The following PPOX variants were observed in gnomAD, a reference collection of about 807,000 sequenced individuals.
The protein encoded by PPOX is protoporphyrinogen oxidase.
Under a neutral mutation model 54.1 loss-of-function variants are expected in PPOX, and 23 were observed. The observed-to-expected ratio is 0.43, with a 90% CI of 0.31 to 0.60. The LOEUF (loss-of-function observed/expected upper bound fraction) is 0.60, where lower values mean the gene tolerates loss of function less well. PPOX is among the 20% of genes least tolerant of loss of function. PPOX has a pLI of 0.13. For missense variants in PPOX, 512 were observed against 601.1 expected (o/e 0.85, Z 1.55); for synonymous variants, 224 against 236.1 (o/e 0.95, Z 0.47).
chr1:161,170,126 A>C, intron 9 of PPOX, 102 bp downstream of exon 9: 1 of 1,395,076 alleles, frequency 7.2e-7, no homozygotes, highest in Non-Finnish European at 9.8e-7. Flanking sequence ...GGAGTTCGAG[A>C]CCAGCCTGGC....
chr1:161,169,454 TG>T, intron 7 of PPOX: 1 of 704,542 alleles, frequency 1.4e-6, no homozygotes, highest in Non-Finnish European at 2.5e-6. Context: ...ACAGCCACAC[TG>T]GCCTGTCTGG....
intron 2 of PPOX, 41 bp downstream of exon 2, chr1:161,166,975 C>G (rs1172057896): frequency 2.5e-6 from 4 of 1,611,356 alleles, no homozygotes; most frequent in Non-Finnish European, 8.5e-7. Flanking sequence ...TCATTTAATG[C>G]TCTTCCCATT....
downstream of PPOX, chr1:161,175,822 C>G (rs528969895): frequency 4.3e-6 from 7 of 1,613,858 alleles, no homozygotes; most frequent in Non-Finnish European, 5.9e-6. Flanking sequence ...GAGAGGAGAT[C>G]GTTCTGGACA....
chr1:161,173,722 G>A (rs747642368), downstream of PPOX: 22 of 1,613,970 alleles, frequency 1.4e-5, no homozygotes, highest in Non-Finnish European at 1.7e-5. Flanking sequence ...CTGGGGGTAC[G>A]GGAGGCTAGG....
downstream of PPOX, chr1:161,176,187 CAA>C (rs1663448768): frequency 8.2e-7 from 1 of 1,222,006 alleles, no homozygotes; most frequent in Non-Finnish European, 1.1e-6. Context: ...AAGCAGAAAA[CAA>C]AGTCACAGAA....
chr1:161,172,483 T>C (rs2101925449), downstream of PPOX: 1 of 646,876 alleles, frequency 1.5e-6, no homozygotes, highest in Non-Finnish European at 2.6e-6. Flanking sequence ...AAGAAGGAAA[T>C]GGCTGAAGAG....
At chr1:161,169,599 G>C in intron 7 of PPOX, 61 bp from the exon 8 acceptor site, 1 of 1,546,088 alleles carries the variant, frequency 6.5e-7, no homozygotes. Flanking sequence ...GGCACCAGAA[G>C]TCTCTTTTCA....
chr1:161,167,668 G>A lies in PPOX; in HGVS notation c.338+182G>A, dbSNP rs7544090. 0.082 allele frequency: 72,637 copies of A among 881,302 alleles called. 3,254 individuals are homozygous for A. The highest frequency in any genetic ancestry group is 0.13 in the South Asian group (7,558 of 57,330). 54.6% of individuals were successfully genotyped at this position (881,302 alleles called of 1,614,324 possible). A position where few individuals can be genotyped will look rare whatever the true frequency, so the allele number is the denominator to read the frequency against. On this transcript the variant is annotated intron_variant, in intron 4 of 12. Transcript: ENST00000367999. ...CAACTTCCGCCTTTCGGGTTCAAGC[G>A]ATTCTCCTGCCTCAGCCTCCCGAGT...
At position 161,167,083 on chromosome 1, in the gene PPOX, C is replaced by T. The variant is rs1659254003; in HGVS notation, c.88-17C>T. ...GGCTACAGGCGGTGCTGCAGTGTCT[C>T]TCCCTCTTGTCGCCAGGTGGTCCTA... is the stretch of plus-strand genomic sequence containing the variant. On this transcript the variant is annotated splice_polypyrimidine_tract_variant and intron_variant, in intron 2 of 12. Transcript: ENST00000367999. 3.7e-6 allele frequency: 6 copies of T among 1,614,246 alleles called. No homozygotes were observed. The African/African-American group carries it at 5.3e-5, about 14-fold the overall frequency.
chr1:161,166,121 C>A (rs1658798808), upstream of PPOX: 2 of 985,274 alleles, frequency 2.0e-6, no homozygotes, highest in African/African-American at 3.5e-5. Context: ...ATTCTCCCTA[C>A]GACCAAAGCT....
At chr1:161,171,783 G>A (rs767774729), downstream of PPOX, 31 of 1,610,044 alleles carry the variant, frequency 1.9e-5, no homozygotes, top group South Asian at 4.4e-5. Context: ...CCATGAATTC[G>A]GTTTCATGAT....
Position 161,170,739 on chromosome 1 carries a change from G to A in PPOX, c.1218G>A (p.Met406Ile). The A allele has an allele frequency of 6.2e-7, 1 of 1,613,186 alleles. No homozygotes were observed. Among genetic ancestry groups the A allele is most frequent in the Non-Finnish European group, 8.5e-7 (1 of 1,179,768 alleles). The change falls in exon 11 of 13, where the codon ATG becomes ATA. Residue 406 changes from methionine (M) to isoleucine (I), a missense_variant. By Grantham distance (10) the Met-to-Ile change is conservative. Coordinates refer to ENST00000367999, the MANE Select transcript of PPOX (RefSeq NM_001122764.3). Reference protein sequence around the residue: ...AAATQLGLKEMPSHCLVHLHK... With the variant: ...AAATQLGLKEIPSHCLVHLHK... ...CTACACAATTAGGACTGAAGGAGAT[G>A]CCGAGCCACTGCTTGGTCCATCTAC... is the stretch of plus-strand genomic sequence containing the variant.
chr1:161,177,390 G>C (rs1664024008), downstream of PPOX: 2 of 290,156 alleles, frequency 6.9e-6, no homozygotes, highest in Non-Finnish European at 6.7e-6. Flanking sequence ...TTTATCCCAG[G>C]CCTCCGTGTC....
downstream of PPOX, chr1:161,173,779 C>A (rs1662394799): frequency 6.2e-7 from 1 of 1,611,982 alleles, no homozygotes; most frequent in African/African-American, 1.3e-5. Context: ...GACACATCCC[C>A]AACCACAATC....
chr1:161,170,320 G>GGGGGGGGGCCCCCC, intron 9 of PPOX, 89 bp from the exon 10 acceptor site: 13 of 494,770 alleles, frequency 2.6e-5, no homozygotes, highest in Middle Eastern at 6.4e-4. Flanking sequence ...GTGAGACTCT[G>GGGGGGGGGCCCCCC]TCCCCCCCAC....
At chr1:161,170,302 G>A in intron 9 of PPOX, 107 bp from the exon 10 acceptor site, 1 of 926,064 alleles carries the variant, frequency 1.1e-6, no homozygotes, top group Non-Finnish European at 1.7e-6. Flanking sequence ...TCCAGCCTGG[G>A]TGACAGAGTG....
downstream of PPOX, chr1:161,173,485 T>A: frequency 7.1e-7 from 1 of 1,411,920 alleles, no homozygotes; most frequent in Non-Finnish European, 9.8e-7. Flanking sequence ...GGGAAAGGAA[T>A]GGGCTCAGTG....
intron 7 of PPOX, 57 bp downstream of exon 7, chr1:161,169,240 G>A: frequency 6.3e-7 from 1 of 1,588,758 alleles, no homozygotes; most frequent in Non-Finnish European, 8.6e-7. Context: ...TTATCCAAGT[G>A]GCTTAACTAG....
At chr1:161,171,339 T>A (rs937431945), downstream of PPOX, 13 of 1,222,568 alleles carry the variant, frequency 1.1e-5, no homozygotes, top group Non-Finnish European at 1.5e-5. Context: ...TTAGAAAATA[T>A]ATCAAAATCC....
Sources: allele counts gnomAD v4.1 joint callset, GRCh38; gene constraint gnomAD v4.1.1; transcripts MANE v1.5; gene names NCBI Gene and HGNC (gene_info 2026-07-23, HGNC 2026-07-21).